Variants in ATP6V1D observed in about 807,000 individuals in gnomAD.
ATP6V1D encodes V-type proton ATPase subunit D.
A neutral mutation model predicts 39.4 loss-of-function variants in ATP6V1D; 20 were observed. That is an observed-to-expected ratio of 0.51 (90% confidence interval 0.36 to 0.74). The LOEUF (loss-of-function observed/expected upper bound fraction) is 0.74, where lower values mean the gene tolerates loss of function less well. Among genes scored for constraint, ATP6V1D ranks in the 30% least tolerant of loss-of-function variants. ATP6V1D has a pLI of 0.00. For synonymous variants in ATP6V1D, 100 were observed against 100.5 expected (o/e 0.99, Z 0.03); for missense variants, 228 against 291.6 (o/e 0.78, Z 1.59).
In ATP6V1D at chr14:67,338,660, A is replaced by T. The variant is rs1214818238; in HGVS notation, c.705T>A (p.Leu235=). The T allele has an allele frequency of 1.2e-6, 2 of 1,614,110 alleles. No homozygotes were observed. The highest frequency in any genetic ancestry group is 4.5e-5 in the East Asian group (2 of 44,866). ...GATCCTCGTCCTTCTCTTCAGCCAGAAGATTAGCAGGCTCCAACACCTCTC... is the reference window on the plus strand; with the variant it reads ...GATCCTCGTCCTTCTCTTCAGCCAGTAGATTAGCAGGCTCCAACACCTCTC... ...AAGEVLEPAN[L]LAEEKDEDLL... is the part of the protein sequence containing the mutation. Residue 235 remains leucine, a synonymous_variant, in exon 9 of 9, where the codon CTT becomes CTA. Coordinates refer to ENST00000216442, the MANE Select transcript of ATP6V1D (RefSeq NM_015994.4).
At chr14:67,359,320 G>A (rs908787660) in intron 1 of ATP6V1D, among the ~76,000 whole-genome samples, 3 of 152,202 alleles carry the variant, frequency 2.0e-5, no homozygotes, top group Admixed American at 1.3e-4. Context: ...TAGGGCAGAG[G>A]TGGCGACGGT....
chr14:67,342,469 T>G (rs1473623201), intron 7 of ATP6V1D, among the ~76,000 whole-genome samples: 2 of 151,006 alleles, frequency 1.3e-5, no homozygotes, highest in East Asian at 1.9e-4. Flanking sequence ...AATGCTCGAT[T>G]GAGTTTACGT....
chr14:67,348,266 A>G (rs2085633986), intron 4 of ATP6V1D, among the ~76,000 whole-genome samples: 1 of 151,250 alleles, frequency 6.6e-6, no homozygotes, highest in Non-Finnish European at 1.5e-5. Flanking sequence ...TAGAGACAGG[A>G]TTTCTCCATA....
rs749286842 is a variant in ATP6V1D at position 67,352,949 on chromosome 14, G to C, written c.133C>G (p.Arg45Gly). 6.2e-7 allele frequency: 1 copy of C among 1,611,974 alleles called. No individual in the cohort carries two copies. Among genetic ancestry groups the C allele is most frequent in the East Asian group, 2.2e-5 (1 of 44,850 alleles). ...TCTATTATCTTCTTTAGGATCTGTC[G>C]AAATCGAAGAGTTAAGGCATCAGAT... ...KKSDALTLRF[R>G]QILKKIIETK... is the part of the protein sequence containing the mutation. The change falls in exon 2 of 9, where the codon CGA becomes GGA. Residue 45 changes from arginine (R) to glycine (G), a missense_variant. Arg to Gly is a moderately radical substitution (Grantham distance 125, BLOSUM62 -2). Coordinates refer to ENST00000216442, the MANE Select transcript of ATP6V1D (RefSeq NM_015994.4).
At chr14:67,339,813 C>T (rs944754529) in intron 8 of ATP6V1D, among the ~76,000 whole-genome samples, 5 of 151,936 alleles carry the variant, frequency 3.3e-5, no homozygotes, top group Admixed American at 1.3e-4. Flanking sequence ...AAAGAATAAT[C>T]AAGGGCCAGG....
In ATP6V1D at chr14:67,349,109, AG is replaced by A; in HGVS notation, c.240-6del. ...ACATTTTGGATAACTGTAGTGCTGC[AG>A]AAAAAGAGAAAGACTTTATTTAGCA... On this transcript the variant is annotated splice_region_variant and splice_polypyrimidine_tract_variant and intron_variant, in intron 3 of 8. Coordinates refer to ENST00000216442, the MANE Select transcript of ATP6V1D (RefSeq NM_015994.4). 6.2e-7 allele frequency: 1 copy of A among 1,613,418 alleles called. No homozygotes were observed. Among genetic ancestry groups the A allele is most frequent in the African/African-American group, 1.3e-5 (1 of 75,040 alleles).
intron 5 of ATP6V1D, 66 bp from the exon 6 acceptor site, chr14:67,345,937 A>C: frequency 3.0e-6 from 3 of 992,988 alleles, no homozygotes; most frequent in Non-Finnish European, 4.7e-6. Flanking sequence ...AATTCCCCAA[A>C]AGGAGATAAT....
At chr14:67,353,933 C>T (rs1268456977) in intron 1 of ATP6V1D, 1 of 150,862 alleles carries the variant, frequency 6.6e-6, no homozygotes, top group Non-Finnish European at 1.5e-5. Context: ...GGATTATGGG[C>T]ATGAACCACT....
At chr14:67,339,927 C>G (rs2085566934) in intron 8 of ATP6V1D, 1 of 152,176 alleles carries the variant, frequency 6.6e-6, no homozygotes, top group Non-Finnish European at 1.5e-5. Flanking sequence ...TGGTGAAACA[C>G]CATCTCTACT....
chr14:67,347,493 A>C (rs61988178), intron 4 of ATP6V1D, 40 bp from the exon 5 acceptor site: 109,380 of 1,487,146 alleles, frequency 0.074, 5,003 homozygotes, highest in Middle Eastern at 0.14. Context: ...ATAAACCTTT[A>C]AGTTCTCTCT....
At chr14:67,357,857 T>G (rs1416874476) in intron 1 of ATP6V1D, among the ~76,000 whole-genome samples, 2 of 152,170 alleles carry the variant, frequency 1.3e-5, no homozygotes, top group Non-Finnish European at 2.9e-5. Context: ...TTCTATCCTC[T>G]CACACAGACT....
intron 1 of ATP6V1D, 122 bp from the exon 2 acceptor site, chr14:67,353,162 G>T: frequency 1.4e-6 from 1 of 710,680 alleles, no homozygotes; most frequent in Non-Finnish European, 2.3e-6. Flanking sequence ...AGACTATATA[G>T]AGAATTTGTA....
In ATP6V1D at chr14:67,343,456, T is replaced by C. The variant is rs1161040379; in HGVS notation, c.457-18A>G. The C allele has an allele frequency of 6.5e-7, 1 of 1,529,274 alleles. No individual in the cohort carries two copies. The highest frequency in any genetic ancestry group is 9.1e-7 in the Non-Finnish European group (1 of 1,103,948). 94.7% of individuals were successfully genotyped at this position (1,529,274 alleles called of 1,614,324 possible). Reference sequence around the variant, plus strand: ...AAAGAAGTCTAAAATAAGAACAAATTAATAATGTAAGCACAAAGTCTTCCT... The same window carrying C: ...AAAGAAGTCTAAAATAAGAACAAATCAATAATGTAAGCACAAAGTCTTCCT... On this transcript the variant is annotated intron_variant, in intron 6 of 8. Coordinates refer to ENST00000216442, the MANE Select transcript of ATP6V1D (RefSeq NM_015994.4).
chr14:67,350,584 T>G (rs1403538351), intron 3 of ATP6V1D, 27 bp downstream of exon 3: 12 of 1,590,590 alleles, frequency 7.5e-6, no homozygotes, highest in Non-Finnish European at 9.4e-6. Context: ...TTGTTTTGCT[T>G]CAAAACACCC....
rs2085641714 is a variant in ATP6V1D at position 67,349,236 on chromosome 14, C to G, written c.240-132G>C. On this transcript the variant is annotated intron_variant, in intron 3 of 8. Coordinates refer to ENST00000216442, the MANE Select transcript of ATP6V1D (RefSeq NM_015994.4). ...AATTAAGTATGTTTTGATAACTGTCCTTTTTCCAAAAAGGGAGAAAAGTCA... is the reference window on the plus strand; with the variant it reads ...AATTAAGTATGTTTTGATAACTGTCGTTTTTCCAAAAAGGGAGAAAAGTCA... 3.4e-6 allele frequency: 3 copies of G among 877,780 alleles called. No homozygotes were observed. The East Asian group carries it at 8.3e-5, about 24-fold the overall frequency. 54.4% of individuals were successfully genotyped at this position (877,780 alleles called of 1,614,324 possible). A position where few individuals can be genotyped will look rare whatever the true frequency, so the allele number is the denominator to read the frequency against.
At chr14:67,345,521 C>T (rs1260526223) in intron 6 of ATP6V1D, among the ~76,000 whole-genome samples, 1 of 152,128 alleles carries the variant, frequency 6.6e-6, no homozygotes, top group East Asian at 1.9e-4. Flanking sequence ...CGCCATTGCA[C>T]TCCAGCCTGG....
intron 7 of ATP6V1D, among the ~76,000 whole-genome samples, chr14:67,341,785 T>C (rs911004267): frequency 5.3e-5 from 8 of 152,260 alleles, no homozygotes; most frequent in Non-Finnish European, 7.3e-5. Flanking sequence ...GGATGGTTGC[T>C]GTGTCTGTGT....
chr14:67,359,726 C>A lies in ATP6V1D; in HGVS notation c.-28G>T. ...TGACGATAACTTTTCGGCTCGGGTC[C>A]CCGGCCGGGCAACCGAGGCTGCAAT... On this transcript the variant is annotated 5_prime_UTR_variant, in exon 1 of 9. Transcript: ENST00000216442. 1.2e-6 allele frequency: 2 copies of A among 1,613,210 alleles called. No homozygotes were observed. Among genetic ancestry groups the A allele is most frequent in the Non-Finnish European group, 1.7e-6 (2 of 1,179,802 alleles).
intron 7 of ATP6V1D, 67 bp downstream of exon 7, chr14:67,343,305 T>G: frequency 8.0e-7 from 1 of 1,243,206 alleles, no homozygotes; most frequent in Non-Finnish European, 1.2e-6. Flanking sequence ...CCCTGAATTC[T>G]AGCAGTTTCA....
Sources: allele counts gnomAD v4.1 joint callset (sites outside exome capture counted in the v4.1 genomes callset), GRCh38; gene constraint gnomAD v4.1.1; transcripts MANE v1.5; gene names NCBI Gene and HGNC (gene_info 2026-07-23, HGNC 2026-07-21).